SLC39A11: variants seen among roughly 807,000 people sequenced by gnomAD.
SLC39A11 encodes solute carrier family 39 member 11, also known as zinc transporter ZIP11.
A neutral mutation model predicts 36.1 loss-of-function variants in SLC39A11; 33 were observed. The ratio of observed to expected loss-of-function variants is 0.91; its 90% CI spans 0.69 to 1.22. The LOEUF (loss-of-function observed/expected upper bound fraction) is 1.22, where lower values mean the gene tolerates loss of function less well. SLC39A11 is among the 50% of genes most tolerant of loss of function. SLC39A11 has a pLI of 0.00. For synonymous variants in SLC39A11, 166 were observed against 170.3 expected (o/e 0.97, Z 0.20); for missense variants, 432 against 430.3 (o/e 1.00, Z -0.03).
intron 5 of SLC39A11, among the ~76,000 whole-genome samples, chr17:72,905,910 C>T (rs915582493): frequency 5.3e-5 from 8 of 152,150 alleles, no homozygotes; most frequent in Non-Finnish European, 7.3e-5. Flanking sequence ...CCCGCCACCA[C>T]GCCCGGCTAA....
chr17:72,703,121 C>G (rs1159286866), intron 7 of SLC39A11, among the ~76,000 whole-genome samples: 1 of 152,012 alleles, frequency 6.6e-6, no homozygotes, highest in Non-Finnish European at 1.5e-5. Flanking sequence ...CCTCTTCCTC[C>G]CACTTGGGTT....
intron 4 of SLC39A11, among the ~76,000 whole-genome samples, chr17:72,974,498 C>A: frequency 6.8e-6 from 1 of 146,822 alleles, no homozygotes; most frequent in African/African-American, 2.5e-5. Context: ...GCTTACAGAA[C>A]AAAGATATCA....
chr17:72,796,409 G>A (rs2076896200), intron 6 of SLC39A11, among the ~76,000 whole-genome samples: 1 of 152,062 alleles, frequency 6.6e-6, no homozygotes, highest in African/African-American at 2.4e-5. Flanking sequence ...AGGGCTTTTT[G>A]CTGCGCTCCT....
rs764829820 is a variant in SLC39A11, at chr17:72,947,676, A to G, written c.430+76T>C. On this transcript the variant is annotated intron_variant, in intron 5 of 9. Coordinates refer to ENST00000255559, the MANE Select transcript of SLC39A11 (RefSeq NM_139177.4). ...TTCTCTCACTATTCATCCTACCACCAGCCCCCACGTCCATATTGCCTGACT... is the reference window on the plus strand; with the variant it reads ...TTCTCTCACTATTCATCCTACCACCGGCCCCCACGTCCATATTGCCTGACT... 1.9e-5 allele frequency: 30 copies of G among 1,604,578 alleles called. No homozygotes were observed. In the East Asian group the frequency reaches 5.1e-4, roughly 27 times the overall value.
chr17:72,812,803 C>T (rs1041305371), intron 6 of SLC39A11, among the ~76,000 whole-genome samples: 1 of 152,164 alleles, frequency 6.6e-6, no homozygotes, highest in Non-Finnish European at 1.5e-5. Context: ...ATCTCGATGT[C>T]ATTTAAGAAG....
chr17:72,891,744 A>G (rs1598299564), intron 5 of SLC39A11, among the ~76,000 whole-genome samples: 1 of 152,058 alleles, frequency 6.6e-6, no homozygotes, highest in Middle Eastern at 3.4e-3. Context: ...ATATAAGTGC[A>G]TATATAATAT....
intron 4 of SLC39A11, among the ~76,000 whole-genome samples, chr17:72,968,386 A>G (rs576781341): frequency 2.2e-4 from 33 of 152,130 alleles, no homozygotes; most frequent in African/African-American, 8.0e-4. Context: ...TTTTTTCTCC[A>G]TTCCTAAGAC....
chr17:72,785,331 C>T (rs1293902878), intron 6 of SLC39A11, among the ~76,000 whole-genome samples: 1 of 152,196 alleles, frequency 6.6e-6, no homozygotes, highest in Non-Finnish European at 1.5e-5. Context: ...CCCAATCTCT[C>T]TCTCCTCCAT....
chr17:72,932,732 T>C (rs992327061), intron 5 of SLC39A11, among the ~76,000 whole-genome samples: 1 of 152,120 alleles, frequency 6.6e-6, no homozygotes, highest in Non-Finnish European at 1.5e-5. Context: ...CTAACATTCA[T>C]TGAGAGCATA....
intron 3 of SLC39A11, among the ~76,000 whole-genome samples, chr17:73,079,175 G>A (rs994307800): frequency 6.6e-6 from 1 of 152,060 alleles, no homozygotes; most frequent in Admixed American, 6.6e-5. Context: ...TTGGCTCACT[G>A]CAACCTCTGC....
intron 6 of SLC39A11, among the ~76,000 whole-genome samples, chr17:72,831,721 A>C (rs927967059): frequency 1.3e-5 from 2 of 152,242 alleles, no homozygotes; most frequent in Admixed American, 1.3e-4. Flanking sequence ...GCCCATCAAC[A>C]AAACAGATCA....
At chr17:72,664,331 C>A (rs906886032) in intron 7 of SLC39A11, among the ~76,000 whole-genome samples, 1 of 152,172 alleles carries the variant, frequency 6.6e-6, no homozygotes, top group Non-Finnish European at 1.5e-5. Flanking sequence ...GATGCCAAGC[C>A]CTCTTCCATA....
intron 4 of SLC39A11, among the ~76,000 whole-genome samples, chr17:73,022,705 T>C (rs2058394196): frequency 6.6e-6 from 1 of 150,820 alleles, no homozygotes; most frequent in African/African-American, 2.4e-5. Flanking sequence ...AAACAACATC[T>C]GAACATCTTC....
intron 4 of SLC39A11, among the ~76,000 whole-genome samples, chr17:72,994,706 G>A (rs1171127445): frequency 6.6e-6 from 1 of 152,208 alleles, no homozygotes. Context: ...GATAGGAGCT[G>A]AGGATATGGC....
At chr17:73,050,323 C>CAAA (rs70938142) in intron 3 of SLC39A11, among the ~76,000 whole-genome samples, 1,885 of 98,684 alleles carry the variant, frequency 0.019, 69 homozygotes, top group African/African-American at 0.065. Context: ...CTGTTTGTGG[C>CAAA]AAAAAAAAAA....
chr17:72,893,221 G>T (rs1358891145), intron 5 of SLC39A11, among the ~76,000 whole-genome samples: 1 of 152,228 alleles, frequency 6.6e-6, no homozygotes, highest in Non-Finnish European at 1.5e-5. Context: ...CCAGCACTTT[G>T]GGAGGCTGAG....
chr17:72,962,384 C>G (rs58461029), intron 4 of SLC39A11, among the ~76,000 whole-genome samples: 6,444 of 152,254 alleles, frequency 0.042, 477 homozygotes, highest in African/African-American at 0.14. Flanking sequence ...TTGATCTCCT[C>G]TGAGGCTCAG....
chr17:72,798,442 C>T (rs933396503), intron 6 of SLC39A11, among the ~76,000 whole-genome samples: 5 of 132,030 alleles, frequency 3.8e-5, no homozygotes, highest in Admixed American at 8.4e-5. Context: ...GAGATGGAGC[C>T]TCACTCTGTT....
chr17:72,675,761 G>A (rs538483926), intron 7 of SLC39A11, among the ~76,000 whole-genome samples: 32 of 152,238 alleles, frequency 2.1e-4, no homozygotes, highest in Non-Finnish European at 3.8e-4. Context: ...TCGGCTCACC[G>A]CAACCTCCGC....
Sources: allele counts gnomAD v4.1 joint callset (sites outside exome capture counted in the v4.1 genomes callset), GRCh38; gene constraint gnomAD v4.1.1; transcripts MANE v1.5; gene names NCBI Gene and HGNC (gene_info 2026-07-23, HGNC 2026-07-21).